ACACB: variants seen among roughly 807,000 people sequenced by gnomAD.
ACACB encodes the protein acetyl-CoA carboxylase beta.
Under a neutral mutation model 278.8 loss-of-function variants are expected in ACACB, and 209 were observed. The observed-to-expected ratio is 0.75, with a 90% confidence interval of 0.67 to 0.84. The LOEUF (loss-of-function observed/expected upper bound fraction) is 0.84, where lower values mean the gene tolerates loss of function less well. Ranked by LOEUF, ACACB falls within the 40% of genes least tolerant of loss-of-function variation. ACACB has a pLI of 0.00. For missense variants in ACACB, 2,850 were observed against 3,269.0 expected, an observed-to-expected ratio of 0.87 and a Z score of 3.13; for synonymous variants, 1,174 against 1,285.6, an observed-to-expected ratio of 0.91 and a Z score of 1.86.
chr12:109,216,580 G>A (rs1394868924), intron 22 of ACACB, 38 bp from the exon 23 acceptor site: 1 of 1,583,496 alleles, frequency 6.3e-7, no homozygotes, highest in Non-Finnish European at 8.7e-7. Context: ...ACTCAAGGAA[G>A]GGTGTGAGCA....
chr12:109,112,862 G>A (rs968307425), upstream of ACACB, among the ~76,000 whole-genome samples: 6 of 152,134 alleles, frequency 3.9e-5, no homozygotes, highest in Admixed American at 3.3e-4. Context: ...TTTCTGTGAA[G>A]GGTCAGGTGG....
intron 2 of ACACB, among the ~76,000 whole-genome samples, chr12:109,163,220 C>T (rs142554599): frequency 2.0e-5 from 3 of 152,150 alleles, no homozygotes; most frequent in Non-Finnish European, 4.4e-5. Context: ...CCACTGCACC[C>T]GGCCCTGAGG....
At chr12:109,198,865 A>G (rs1320237088) in intron 17 of ACACB, among the ~76,000 whole-genome samples, 1 of 151,446 alleles carries the variant, frequency 6.6e-6, no homozygotes, top group East Asian at 1.9e-4. Flanking sequence ...GCCTCAAGCC[A>G]TCCTCCCACC....
In ACACB at chr12:109,192,077, T is replaced by A. The variant is rs1460889516; in HGVS notation, c.2399+127T>A. On this transcript the variant is annotated intron_variant, in intron 15 of 52. Coordinates refer to ENST00000338432, the MANE Select transcript of ACACB (RefSeq NM_001093.4). ...AATTGGTGAGTCTCTCCTCCGGTCT[T>A]GCCTCTGGGAAATTCCTCTACAGAT... 6.1e-6 allele frequency: 6 copies of A among 979,482 alleles called. No individual in the cohort carries two copies. The Admixed American group carries it at 1.3e-4, about 21-fold the overall frequency. The allele number at this position is 979,482 out of a possible 1,614,324, so 60.7% of individuals were successfully genotyped here.
chr12:109,173,856 C>T (rs769571955), intron 6 of ACACB, among the ~76,000 whole-genome samples: 1 of 152,208 alleles, frequency 6.6e-6, no homozygotes, highest in Non-Finnish European at 1.5e-5. Flanking sequence ...TGCCTTCCCT[C>T]CAAAGTGAAT....
At chr12:109,157,302 G>A (rs201493331) in intron 2 of ACACB, among the ~76,000 whole-genome samples, 2 of 44,262 alleles carry the variant, frequency 4.5e-5, no homozygotes, top group Non-Finnish European at 1.1e-4. Flanking sequence ...TATTATTACA[G>A]ACAGGGTCTT....
intron 28 of ACACB, among the ~76,000 whole-genome samples, chr12:109,231,047 A>G (rs539192107): frequency 1.3e-5 from 2 of 152,264 alleles, no homozygotes; most frequent in East Asian, 3.9e-4. Flanking sequence ...AATAAAGTCT[A>G]TCCCCAAGAT....
Position 109,206,857 on chromosome 12 carries a change from G to A in ACACB, c.3060+1G>A. ...GCCAGAGCCCGTTTTTAGCATAAAG[G>A]TAAAGTCACCTATGAGCGCAGGCGT... On this transcript the variant is annotated splice_donor_variant, in intron 20 of 52. Coordinates refer to ENST00000338432, the MANE Select transcript of ACACB (RefSeq NM_001093.4). LOFTEE classifies it high-confidence loss of function. 3.1e-6 allele frequency: 5 copies of A among 1,614,182 alleles called. No homozygotes were observed. Among genetic ancestry groups the A allele is most frequent in the Non-Finnish European group, 4.2e-6 (5 of 1,180,036 alleles).
chr12:109,124,475 G>T (rs2430682), intron 1 of ACACB, among the ~76,000 whole-genome samples: 80,369 of 152,032 alleles, frequency 0.53, 22,709 homozygotes, highest in African/African-American at 0.73. Flanking sequence ...CTTGCATCAC[G>T]TCAAGAACAT....
At position 109,234,059 on chromosome 12, in the gene ACACB, G is replaced by A. The variant is rs373400667; in HGVS notation, c.4347+14G>A. On this transcript the variant is annotated intron_variant, in intron 31 of 52. Coordinates refer to ENST00000338432, the MANE Select transcript of ACACB (RefSeq NM_001093.4). ...GTACAGTCCAAGGTACTCTGGGCGT[G>A]CCTCTGGTTTTGGTGGGGGTTCTTG... The A allele has an allele frequency of 3.8e-6, 6 of 1,587,620 alleles. No homozygotes were observed. The highest frequency in any genetic ancestry group is 2.7e-5 in the African/African-American group (2 of 74,462).
At chr12:109,185,770 CA>C in intron 12 of ACACB, 30 bp downstream of exon 12, 1 of 1,582,300 alleles carries the variant, frequency 6.3e-7, no homozygotes, top group Non-Finnish European at 8.6e-7. Flanking sequence ...GTGTTTCCAC[CA>C]TCTCAGATCT....
rs191710650 is a variant in ACACB, at chr12:109,206,111, T to C, written c.2914-599T>C. ...ATGAAAATAAATACAGAACATGAGA[T>C]TTGTTGATTATAAAGCAAAACAACA... On this transcript the variant is annotated intron_variant, in intron 19 of 52. Coordinates refer to ENST00000338432, the MANE Select transcript of ACACB (RefSeq NM_001093.4). Among the ~76,000 whole-genome samples the C allele has an allele frequency of 3.2e-3, 485 of 152,232 alleles. 7 individuals are homozygous for C. Among genetic ancestry groups the C allele is most frequent in the African/African-American group, 0.011 (450 of 41,548 alleles).
intron 15 of ACACB, 68 bp downstream of exon 15, chr12:109,192,018 C>T (rs528554845): frequency 1.3e-6 from 2 of 1,520,930 alleles, no homozygotes. Flanking sequence ...CTGAATCTGT[C>T]TCCTTTATTT....
chr12:109,116,377 A>G (rs2042404090), upstream of ACACB, among the ~76,000 whole-genome samples: 1 of 152,214 alleles, frequency 6.6e-6, no homozygotes, highest in Admixed American at 6.5e-5. Flanking sequence ...TCATGGCTTC[A>G]ACAGCTAAGA....
chr12:109,216,496 A>G, intron 22 of ACACB, 122 bp from the exon 23 acceptor site: 1 of 960,664 alleles, frequency 1.0e-6, no homozygotes, highest in Non-Finnish European at 1.5e-6. Flanking sequence ...CTGGGATTAC[A>G]GGCATGAGCC....
intron 6 of ACACB, among the ~76,000 whole-genome samples, 158 bp downstream of exon 6, chr12:109,172,514 A>G (rs1342483052): frequency 6.6e-6 from 1 of 152,158 alleles, no homozygotes; most frequent in East Asian, 1.9e-4. Context: ...CCAGGGTGGA[A>G]GGGCACATAG....
At chr12:109,225,635 C>G (rs183534434) in intron 27 of ACACB, among the ~76,000 whole-genome samples, 557 of 152,350 alleles carry the variant, frequency 3.7e-3, no homozygotes, top group Non-Finnish European at 6.6e-3. Context: ...CTGCTAATTG[C>G]TGTATTAGCT....
intron 2 of ACACB, among the ~76,000 whole-genome samples, chr12:109,153,367 A>C (rs1231866130): frequency 6.6e-6 from 1 of 152,344 alleles, no homozygotes; most frequent in South Asian, 2.1e-4. Context: ...CATAGAATGC[A>C]TAATGATTGT....
intron 1 of ACACB, among the ~76,000 whole-genome samples, chr12:109,129,617 G>A (rs2042772226): frequency 6.6e-6 from 1 of 152,238 alleles, no homozygotes; most frequent in African/African-American, 2.4e-5. Context: ...GGAACAGATA[G>A]GATGTTAATT....
Sources: allele counts gnomAD v4.1 joint callset (sites outside exome capture counted in the v4.1 genomes callset), GRCh38; gene constraint gnomAD v4.1.1; transcripts MANE v1.5; gene names NCBI Gene and HGNC (gene_info 2026-07-23, HGNC 2026-07-21).